The following GPC6 variants were observed in gnomAD, a reference collection of about 807,000 sequenced individuals.
GPC6 encodes the protein glypican-6.
GPC6 carries 14 observed loss-of-function variants against 55.2 expected under a neutral mutation model. The ratio of observed to expected loss-of-function variants is 0.25; its 90% confidence interval spans 0.17 to 0.40. The LOEUF (loss-of-function observed/expected upper bound fraction) is 0.40. GPC6 is among the 10% of genes least tolerant of loss of function. GPC6 has a pLI of 1.00. For synonymous variants in GPC6, 278 were observed against 259.6 expected, an observed-to-expected ratio of 1.07 and a Z score of -0.68; for missense variants, 641 against 708.5, an observed-to-expected ratio of 0.90 and a Z score of 1.08.
rs1874664753 is a variant in GPC6, at chr13:93,371,750, T to C, written c.160+144134T>C. On this transcript the variant is annotated intron_variant, in intron 1 of 8. Transcript: ENST00000377047. ...TAGTGTGGATAGGCAGGGAGATACA[T>C]AGTGCAATGCCATATAGCTCCTGAG... Among the ~76,000 whole-genome samples the C allele has an allele frequency of 3.3e-5, 5 of 152,144 alleles. No individual in the cohort carries two copies. The South Asian group carries it at 1.0e-3, about 32-fold the overall frequency.
chr13:93,500,738 AT>A (rs1393781157), intron 1 of GPC6, among the ~76,000 whole-genome samples: 3 of 152,140 alleles, frequency 2.0e-5, no homozygotes, highest in Non-Finnish European at 4.4e-5. Flanking sequence ...CCATATAATC[AT>A]TTTTTAAGGA....
At chr13:93,360,814 T>C (rs1383118307) in intron 1 of GPC6, among the ~76,000 whole-genome samples, 4 of 152,118 alleles carry the variant, frequency 2.6e-5, no homozygotes, top group Admixed American at 2.6e-4. Context: ...CCTGATCAGT[T>C]ATTTCTATCC....
At chr13:94,267,780 T>G (rs1891864531) in intron 4 of GPC6, among the ~76,000 whole-genome samples, 1 of 152,204 alleles carries the variant, frequency 6.6e-6, no homozygotes, top group Non-Finnish European at 1.5e-5. Flanking sequence ...AAAAAGCACT[T>G]ATAGTGCTCC....
intron 2 of GPC6, among the ~76,000 whole-genome samples, chr13:93,740,027 G>T (rs1297420876): frequency 6.6e-6 from 1 of 152,154 alleles, no homozygotes; most frequent in African/African-American, 2.4e-5. Context: ...TAAAGCAGGG[G>T]AGATAAATCA....
chr13:93,597,146 C>A (rs1369306331), intron 2 of GPC6, among the ~76,000 whole-genome samples: 1 of 151,992 alleles, frequency 6.6e-6, no homozygotes, highest in African/African-American at 2.4e-5. Context: ...AAAGGGGAAT[C>A]TCCTGTACTC....
At chr13:94,248,674 TGA>T (rs142240819) in intron 4 of GPC6, among the ~76,000 whole-genome samples, 124 of 145,966 alleles carry the variant, frequency 8.5e-4, no homozygotes, top group Admixed American at 9.6e-4. Context: ...CATTTCAGGC[TGA>T]GAGAGAGAGA....
At chr13:93,248,741 G>C (rs1414171564) in intron 1 of GPC6, among the ~76,000 whole-genome samples, 1 of 152,204 alleles carries the variant, frequency 6.6e-6, no homozygotes, top group African/African-American at 2.4e-5. Context: ...CTGCTGCACA[G>C]CGCCAGCCTG....
At chr13:93,922,032 T>G (rs1236666844) in intron 3 of GPC6, among the ~76,000 whole-genome samples, 3 of 152,016 alleles carry the variant, frequency 2.0e-5, no homozygotes, top group Non-Finnish European at 4.4e-5. Context: ...ACAATTGGAC[T>G]AAGAAAATAT....
intron 6 of GPC6, among the ~76,000 whole-genome samples, chr13:94,347,148 C>T (rs1417461104): frequency 6.6e-6 from 1 of 152,128 alleles, no homozygotes; most frequent in Non-Finnish European, 1.5e-5. Context: ...ATGCACGATT[C>T]GAGAGTTCCT....
rs188983858 is a variant in GPC6, at chr13:93,990,738, G to A, written c.712-36991G>A. 3.7e-4 allele frequency among the ~76,000 whole-genome samples: 56 copies of A among 151,276 alleles called. 1 individual carries two copies. The East Asian group carries it at 9.0e-3, about 24-fold the overall frequency. On this transcript the variant is annotated intron_variant, in intron 3 of 8. Transcript: ENST00000377047. ...TAATTAGCCAAGCATGATGGTGCAT[G>A]CCTGTTCCTAGCTACTTGGGAAGCT...
In GPC6 at chr13:94,020,194, C is replaced by T. The variant is rs574583308; in HGVS notation, c.712-7535C>T. ...GGCATGTTGTGTTTTCATTTTCATT[C>T]ATCTAAGTATTTTCTATTTTCCCTA... On this transcript the variant is annotated intron_variant, in intron 3 of 8. Coordinates refer to ENST00000377047, the MANE Select transcript of GPC6 (RefSeq NM_005708.5). Among the ~76,000 whole-genome samples the T allele has an allele frequency of 4.3e-4, 66 of 152,162 alleles. 1 individual carries two copies. The South Asian group carries it at 0.013, about 29-fold the overall frequency.
At chr13:93,787,485 T>G (rs2138916480) in intron 2 of GPC6, among the ~76,000 whole-genome samples, 1 of 152,368 alleles carries the variant, frequency 6.6e-6, no homozygotes, top group African/African-American at 2.4e-5. Context: ...TCTATAGGAT[T>G]CTTTTTCTAC....
At chr13:94,343,348 G>A (rs1210344024) in intron 6 of GPC6, among the ~76,000 whole-genome samples, 1 of 152,114 alleles carries the variant, frequency 6.6e-6, no homozygotes, top group African/African-American at 2.4e-5. Context: ...AATGAAGCCC[G>A]CAGCCTTTGC....
intron 1 of GPC6, among the ~76,000 whole-genome samples, chr13:93,241,246 T>C (rs1032539748): frequency 7.9e-5 from 12 of 152,224 alleles, no homozygotes; most frequent in African/African-American, 2.9e-4. Context: ...AACTTTTTAC[T>C]TTTTCTTCTT....
intron 2 of GPC6, among the ~76,000 whole-genome samples, chr13:93,667,231 GAAGAGGTAA>G (rs1881173949): frequency 6.6e-6 from 1 of 152,086 alleles, no homozygotes; most frequent in Non-Finnish European, 1.5e-5. Flanking sequence ...TGACATAACA[GAAGAGGTAA>G]AATTTTTTTC....
chr13:93,481,865 G>A (rs1879534253), intron 1 of GPC6, among the ~76,000 whole-genome samples: 1 of 152,036 alleles, frequency 6.6e-6, no homozygotes, highest in African/African-American at 2.4e-5. Flanking sequence ...CTGCAAATTT[G>A]TTCTTTTACA....
chr13:94,259,980 T>C (rs1328932819), intron 4 of GPC6, among the ~76,000 whole-genome samples: 1 of 152,196 alleles, frequency 6.6e-6, no homozygotes, highest in Non-Finnish European at 1.5e-5. Context: ...TTGGCTATTG[T>C]GAATGATGTT....
At chr13:93,360,454 T>A (rs1881005036) in intron 1 of GPC6, among the ~76,000 whole-genome samples, 3 of 152,012 alleles carry the variant, frequency 2.0e-5, no homozygotes, top group South Asian at 2.1e-4. Flanking sequence ...CAATACAGAA[T>A]GAGAGGTCAT....
chr13:93,304,023 C>T (rs374612595), intron 1 of GPC6, among the ~76,000 whole-genome samples: 44 of 152,104 alleles, frequency 2.9e-4, no homozygotes, highest in African/African-American at 9.9e-4. Context: ...TGCTCACCAC[C>T]ATGCTTGGCT....
Sources: allele counts gnomAD v4.1 joint callset (sites outside exome capture counted in the v4.1 genomes callset), GRCh38; gene constraint gnomAD v4.1.1; transcripts MANE v1.5; gene names NCBI Gene and HGNC (gene_info 2026-07-23, HGNC 2026-07-21).